The following CNTN6 variants were observed in gnomAD, a reference collection of about 807,000 sequenced individuals.
CNTN6 encodes contactin 6, also known as contactin-6.
CNTN6 carries 137 observed loss-of-function variants against 122.8 expected under a neutral mutation model. The ratio of observed to expected loss-of-function variants is 1.12; its 90% CI spans 0.97 to 1.29. The LOEUF (loss-of-function observed/expected upper bound fraction) is 1.29, where lower values mean the gene tolerates loss of function less well. Among genes scored for constraint, CNTN6 ranks in the 50% most tolerant of loss-of-function variants. The pLI is 0.00. For missense variants in CNTN6, 1,634 were observed against 1,223.4 expected, an observed-to-expected ratio of 1.34 and a Z score of -5.01; for synonymous variants, 570 against 426.0, an observed-to-expected ratio of 1.34 and a Z score of -4.16.
At chr3:1,122,174 T>C (rs150102774) in intron 1 of CNTN6, among the ~76,000 whole-genome samples, 1 of 152,096 alleles carries the variant, frequency 6.6e-6, no homozygotes, top group Non-Finnish European at 1.5e-5. Context: ...AGTATATTAA[T>C]TTAATTTATA....
At chr3:1,179,824 T>C (rs2093520911) in intron 2 of CNTN6, among the ~76,000 whole-genome samples, 2 of 152,130 alleles carry the variant, frequency 1.3e-5, no homozygotes, top group Admixed American at 1.3e-4. Flanking sequence ...ATTTCCCTGT[T>C]ATCTTGCCCC....
intron 20 of CNTN6, among the ~76,000 whole-genome samples, chr3:1,398,944 C>T (rs1188904984): frequency 3.3e-5 from 5 of 152,132 alleles, no homozygotes; most frequent in African/African-American, 1.2e-4. Context: ...GACACAAATG[C>T]AAACATGTCA....
chr3:1,277,956 C>T (rs1317278057), intron 4 of CNTN6, among the ~76,000 whole-genome samples: 1 of 152,116 alleles, frequency 6.6e-6, no homozygotes, highest in Non-Finnish European at 1.5e-5. Flanking sequence ...CTCATTGGTT[C>T]TGTCACACAG....
intron 5 of CNTN6, among the ~76,000 whole-genome samples, chr3:1,288,014 A>T (rs1694647905): frequency 6.6e-6 from 1 of 152,024 alleles, no homozygotes; most frequent in African/African-American, 2.4e-5. Context: ...TCGGTCTTGA[A>T]TCCCTTCCTG....
intron 4 of CNTN6, among the ~76,000 whole-genome samples, chr3:1,270,522 G>A (rs1014477636): frequency 3.3e-5 from 5 of 152,092 alleles, no homozygotes; most frequent in African/African-American, 7.2e-5. Flanking sequence ...TCTTTGCCCC[G>A]CAAAATGTTT....
At chr3:1,255,844 TTTTTA>T (rs1204147571) in intron 4 of CNTN6, among the ~76,000 whole-genome samples, 1 of 151,968 alleles carries the variant, frequency 6.6e-6, no homozygotes, top group African/African-American at 2.4e-5. Context: ...ACTGGCTAAT[TTTTTA>T]TTTTATTTTA....
At chr3:1,178,763 G>T (rs2093500106) in intron 2 of CNTN6, among the ~76,000 whole-genome samples, 1 of 152,176 alleles carries the variant, frequency 6.6e-6, no homozygotes, top group Non-Finnish European at 1.5e-5. Flanking sequence ...GTCAGTAGTT[G>T]TGCTGGGTTT....
chr3:1,238,175 C>A (rs2094443664), intron 4 of CNTN6, among the ~76,000 whole-genome samples: 5 of 152,186 alleles, frequency 3.3e-5, no homozygotes, highest in African/African-American at 7.2e-5. Flanking sequence ...CCAATAAAGT[C>A]TCTGCTGTCT....
At chr3:1,302,665 C>T (rs9856423) in intron 7 of CNTN6, among the ~76,000 whole-genome samples, 9,054 of 152,154 alleles carry the variant, frequency 0.06, 938 homozygotes, top group African/African-American at 0.21. Flanking sequence ...GTACCCCATA[C>T]ATGTGCTCAC....
intron 3 of CNTN6, among the ~76,000 whole-genome samples, chr3:1,221,913 G>A (rs980710438): frequency 6.6e-6 from 1 of 152,034 alleles, no homozygotes; most frequent in African/African-American, 2.4e-5. Context: ...AAAATAAGCT[G>A]GTTTAGCCTG....
intron 12 of CNTN6, among the ~76,000 whole-genome samples, chr3:1,364,820 C>T (rs1559929325): frequency 2.6e-5 from 4 of 151,994 alleles, no homozygotes; most frequent in East Asian, 1.9e-4. Context: ...TCATCAAAAG[C>T]GTCACATCAT....
intron 2 of CNTN6, among the ~76,000 whole-genome samples, chr3:1,163,426 G>T (rs947791002): frequency 2.6e-5 from 4 of 152,152 alleles, no homozygotes; most frequent in Non-Finnish European, 5.9e-5. Flanking sequence ...AGCCTTGAAA[G>T]CTCATTAATT....
intron 4 of CNTN6, among the ~76,000 whole-genome samples, chr3:1,230,290 A>C (rs1184837239): frequency 1.3e-5 from 2 of 152,140 alleles, no homozygotes; most frequent in African/African-American, 4.8e-5. Context: ...TAACAACGTT[A>C]AGCTTCTGTT....
intron 2 of CNTN6, among the ~76,000 whole-genome samples, chr3:1,170,594 C>G (rs1015328643): frequency 6.6e-6 from 1 of 152,154 alleles, no homozygotes; most frequent in Non-Finnish European, 1.5e-5. Context: ...CAAACCTTGA[C>G]AATTTCATTT....
At chr3:1,140,608 T>C (rs1401680649) in intron 1 of CNTN6, among the ~76,000 whole-genome samples, 1 of 152,142 alleles carries the variant, frequency 6.6e-6, no homozygotes. Context: ...TTCTTCACAC[T>C]AGTATCTTTC....
At chr3:1,146,829 CT>C (rs2092733279) in intron 1 of CNTN6, among the ~76,000 whole-genome samples, 1 of 151,940 alleles carries the variant, frequency 6.6e-6, no homozygotes, top group East Asian at 1.9e-4. Flanking sequence ...GCATTAAAGG[CT>C]GTGGTATCAA....
intron 2 of CNTN6, among the ~76,000 whole-genome samples, chr3:1,206,045 T>C (rs1264524568): frequency 6.6e-6 from 1 of 152,180 alleles, no homozygotes. Context: ...TTAAGAGTCA[T>C]TGAAAGGCAG....
At chr3:1,278,793 C>A (rs1004301805) in intron 5 of CNTN6, among the ~76,000 whole-genome samples, 7 of 152,114 alleles carry the variant, frequency 4.6e-5, no homozygotes, top group Non-Finnish European at 8.8e-5. Flanking sequence ...AGCTGTAATT[C>A]GGTGCTGTGA....
chr3:1,274,307 GT>G (rs371828099), intron 4 of CNTN6, among the ~76,000 whole-genome samples: 2 of 152,086 alleles, frequency 1.3e-5, no homozygotes, highest in African/African-American at 4.8e-5. Flanking sequence ...GGCTGATTTA[GT>G]TTTTTCATGG....
Sources: gnomAD v4.1 joint callset for allele counts (sites outside exome capture counted in the v4.1 genomes callset) on GRCh38, gnomAD v4.1.1 for gene constraint, MANE v1.5 for transcripts, NCBI Gene and HGNC (gene_info 2026-07-23, HGNC 2026-07-21) for gene names.